The following IRAG2 variants were observed in gnomAD, a reference collection of about 807,000 sequenced individuals.
IRAG2 encodes the protein lymphoid restricted membrane protein.
Under a neutral mutation model 69.9 loss-of-function variants are expected in IRAG2, and 45 were observed. The observed-to-expected ratio is 0.64, with a 90% confidence interval of 0.51 to 0.83. The LOEUF is 0.83. Among genes scored for constraint, IRAG2 ranks in the 40% least tolerant of loss-of-function variants. IRAG2 has a pLI of 0.00. For synonymous variants in IRAG2, 193 were observed against 202.4 expected, an observed-to-expected ratio of 0.95 and a Z score of 0.40; for missense variants, 520 against 587.0, an observed-to-expected ratio of 0.89 and a Z score of 1.18.
chr12:25,018,238 C>A (rs1426652165), intron 6 of IRAG2, among the ~76,000 whole-genome samples: 5 of 132,556 alleles, frequency 3.8e-5, no homozygotes, highest in African/African-American at 1.3e-4. Flanking sequence ...ACTTTGACAC[C>A]CAGGCTGTAG....
intron 5 of IRAG2, among the ~76,000 whole-genome samples, chr12:25,067,504 C>T (rs559158522): frequency 6.6e-6 from 1 of 152,292 alleles, no homozygotes; most frequent in South Asian, 2.1e-4. Context: ...TTGCAGGTTC[C>T]AGACTGTGAC....
At chr12:25,091,622 C>T (rs1009521790) in intron 14 of IRAG2, among the ~76,000 whole-genome samples, 3 of 151,678 alleles carry the variant, frequency 2.0e-5, no homozygotes, top group Non-Finnish European at 1.5e-5. Flanking sequence ...TATATCTAGA[C>T]TCAGGAGTGG....
At chr12:25,050,769 T>C (rs1944849897), upstream of IRAG2, among the ~76,000 whole-genome samples, 1 of 152,150 alleles carries the variant, frequency 6.6e-6, no homozygotes, top group Non-Finnish European at 1.5e-5. Flanking sequence ...ATTTGGTATA[T>C]AAATACAAGG....
At chr12:25,000,102 G>C (rs1944380420), upstream of IRAG2, among the ~76,000 whole-genome samples, 3 of 152,130 alleles carry the variant, frequency 2.0e-5, no homozygotes, top group African/African-American at 7.2e-5. Flanking sequence ...TTAGCACTTA[G>C]CAGAAATTCA....
exon 7 of IRAG2, chr12:25,020,906 T>C: frequency 1.6e-6 from 2 of 1,215,546 alleles, no homozygotes; most frequent in Non-Finnish European, 2.1e-6. Flanking sequence ...AGCAAACAAT[T>C]AGTAAGTCAT....
rs1949336394 is a variant in IRAG2 at position 25,108,050 on chromosome 12, C to T, written c.1490C>T (p.Pro497Leu). Residue 497 changes from proline (P) to leucine (L), a missense_variant, in exon 22 of 22, where the codon CCA becomes CTA. By Grantham distance (98) the Pro-to-Leu change is moderately conservative. Coordinates refer to ENST00000556887, the MANE Select transcript of IRAG2 (RefSeq NM_001366544.2). Reference sequence around the variant, plus strand: ...ACCAGACTCCGACACAATGGGCCACCACCAGTGTGACAGCAGGACATCCTA... The same window carrying T: ...ACCAGACTCCGACACAATGGGCCACTACCAGTGTGACAGCAGGACATCCTA... ...PFTRLRHNGPPPV is the reference protein window; with the variant it reads ...PFTRLRHNGPLPV 4 of 1,613,510 alleles carry T rather than the reference C, an allele frequency of 2.5e-6. No homozygotes were observed. Among genetic ancestry groups the T allele is most frequent in the African/African-American group, 1.3e-5 (1 of 75,050 alleles).
At chr12:25,081,003 T>C (rs1254217920) in intron 9 of IRAG2, among the ~76,000 whole-genome samples, 1 of 152,194 alleles carries the variant, frequency 6.6e-6, no homozygotes, top group Non-Finnish European at 1.5e-5. Flanking sequence ...CCAAAACTGA[T>C]AGTGCCAAAT....
At chr12:25,069,204 ATG>A in intron 5 of IRAG2, 144 bp from the exon 6 acceptor site, 2 of 498,730 alleles carry the variant, frequency 4.0e-6, no homozygotes, top group Non-Finnish European at 3.5e-6. Context: ...CTCTTTCATT[ATG>A]TGTTACTTAA....
At chr12:25,029,747 C>T (rs562085798) in intron 9 of IRAG2, among the ~76,000 whole-genome samples, 1 of 151,876 alleles carries the variant, frequency 6.6e-6, no homozygotes, top group South Asian at 2.1e-4. Context: ...ATGGTGTGAT[C>T]GTAGCTCACT....
chr12:25,101,309 T>A lies in IRAG2; in HGVS notation c.873T>A (p.Asn291Lys). Residue 291 changes from asparagine (N) to lysine (K), a missense_variant, in exon 16 of 22, where the codon AAT becomes AAA. By Grantham distance (94) the Asn-to-Lys change is moderately conservative (BLOSUM62 0). Transcript: ENST00000556887. ...TTCTGCAGAATGAAAGGTCTTTCAATCCTCTTGAAGATGATGGTAATAAAA... is the reference window on the plus strand; with the variant it reads ...TTCTGCAGAATGAAAGGTCTTTCAAACCTCTTGAAGATGATGGTAATAAAA... Reference protein sequence around the residue: ...QVLLQNERSFNPLEDDDDCQI... With the variant: ...QVLLQNERSFKPLEDDDDCQI... 1 of 1,602,570 alleles carries A rather than the reference T, an allele frequency of 6.2e-7. No homozygotes were observed. The highest frequency in any genetic ancestry group is 1.3e-5 in the African/African-American group (1 of 74,658).
intron 6 of IRAG2, among the ~76,000 whole-genome samples, chr12:25,072,801 G>A (rs1565557674): frequency 2.0e-5 from 3 of 152,148 alleles, no homozygotes; most frequent in Non-Finnish European, 1.5e-5. Context: ...CCATTGTTGT[G>A]TATGGTTGTG....
At chr12:25,078,273 C>T (rs748353774) in intron 6 of IRAG2, among the ~76,000 whole-genome samples, 5 of 152,296 alleles carry the variant, frequency 3.3e-5, no homozygotes, top group Non-Finnish European at 7.4e-5. Flanking sequence ...TGGATAAATA[C>T]AAATTCAGCA....
At chr12:25,025,286 A>G (rs1944612331) in intron 8 of IRAG2, among the ~76,000 whole-genome samples, 1 of 152,222 alleles carries the variant, frequency 6.6e-6, no homozygotes, top group Non-Finnish European at 1.5e-5. Context: ...TAATCCTTTG[A>G]TTCAAAACTG....
chr12:25,046,670 A>G (rs561576320), intron 16 of IRAG2, among the ~76,000 whole-genome samples: 3 of 152,174 alleles, frequency 2.0e-5, no homozygotes, highest in Non-Finnish European at 4.4e-5. Context: ...GATGAGAGAA[A>G]TTAAAGAAGA....
At chr12:25,014,322 GAAGAT>G (rs1343805833) in intron 3 of IRAG2, among the ~76,000 whole-genome samples, 5 of 152,256 alleles carry the variant, frequency 3.3e-5, no homozygotes, top group East Asian at 3.9e-4. Context: ...TAGAAATACA[GAAGAT>G]AAGAGCAGAA....
intron 6 of IRAG2, among the ~76,000 whole-genome samples, chr12:25,070,113 T>C (rs567763375): frequency 5.9e-5 from 9 of 152,340 alleles, no homozygotes; most frequent in African/African-American, 1.7e-4. Context: ...TTAATTGAGA[T>C]ATAATTCACC....
intron 5 of IRAG2, among the ~76,000 whole-genome samples, chr12:25,016,143 C>T (rs1007926844): frequency 6.6e-6 from 1 of 151,132 alleles, no homozygotes; most frequent in African/African-American, 2.4e-5. Context: ...TTGCAGTGAG[C>T]TGATATCGTG....
chr12:25,093,155 C>CT (rs1948187392), intron 14 of IRAG2: 1 of 153,758 alleles, frequency 6.5e-6, no homozygotes, highest in Admixed American at 6.5e-5. Context: ...GCAGGCAAAA[C>CT]AATATTCAAT....
intron 2 of IRAG2, chr12:25,005,421 G>A (rs539555942): frequency 3.2e-6 from 2 of 618,146 alleles, no homozygotes; most frequent in Non-Finnish European, 4.7e-6. Flanking sequence ...TTTCTATTGT[G>A]AGAGAAAGGG....
Sources: allele counts gnomAD v4.1 joint callset (sites outside exome capture counted in the v4.1 genomes callset), GRCh38; gene constraint gnomAD v4.1.1; transcripts MANE v1.5; gene names NCBI Gene and HGNC (gene_info 2026-07-23, HGNC 2026-07-21).